ATAD2B: variants seen among roughly 807,000 people sequenced by gnomAD.
ATAD2B encodes ATPase family AAA domain containing 2B.
ATAD2B carries 40 observed loss-of-function variants against 167.6 expected under a neutral mutation model. The observed-to-expected ratio is 0.24, with a 90% CI of 0.19 to 0.31. The LOEUF (loss-of-function observed/expected upper bound fraction) is 0.31, where lower values mean the gene tolerates loss of function less well. Among genes scored for constraint, ATAD2B ranks in the 10% least tolerant of loss-of-function variants. ATAD2B has a pLI of 1.00. For synonymous variants in ATAD2B, 579 were observed against 596.5 expected (o/e 0.97, Z 0.43); for missense variants, 1,242 against 1,757.2 (o/e 0.71, Z 5.24).
chr2:23,762,197 T>A lies in ATAD2B; in HGVS notation c.3394+12A>T. ...GTTCTCACTACTGGATAACATGAGCTGAAATACTCACATGCACATTTATTT... is the reference window on the plus strand; with the variant it reads ...GTTCTCACTACTGGATAACATGAGCAGAAATACTCACATGCACATTTATTT... On this transcript the variant is annotated intron_variant, in intron 24 of 27. Transcript: ENST00000238789. 2 of 1,612,954 alleles carry A rather than the reference T, an allele frequency of 1.2e-6. No individual in the cohort carries two copies. The highest frequency in any genetic ancestry group is 1.7e-6 in the Non-Finnish European group (2 of 1,179,350).
the ATAD2B span, among the ~76,000 whole-genome samples, chr2:23,698,655 A>T: frequency 6.6e-6 from 1 of 152,222 alleles, no homozygotes; most frequent in Non-Finnish European, 1.5e-5. Context: ...AACCTGTATT[A>T]TATCATTATA....
chr2:23,698,426 A>G, the ATAD2B span, among the ~76,000 whole-genome samples: 1 of 152,200 alleles, frequency 6.6e-6, no homozygotes, highest in East Asian at 1.9e-4. Flanking sequence ...TTTCTGTGGC[A>G]CACAGTGGCA....
chr2:23,822,262 C>T (rs931597096), intron 16 of ATAD2B, among the ~76,000 whole-genome samples: 3 of 152,130 alleles, frequency 2.0e-5, no homozygotes, highest in South Asian at 2.1e-4. Flanking sequence ...AGGCTGGGCG[C>T]GATGACTCAC....
At chr2:23,781,485 T>C (rs946450697) in intron 22 of ATAD2B, among the ~76,000 whole-genome samples, 3 of 151,994 alleles carry the variant, frequency 2.0e-5, no homozygotes, top group African/African-American at 4.8e-5. Flanking sequence ...GCCAACATGG[T>C]GAAACCCCAT....
At position 23,750,447 on chromosome 2, in the gene ATAD2B, G is replaced by A. The variant is rs1166095070; in HGVS notation, c.*1599C>T. ...CACTACAAAGAGCCAAAGACAAGGA[G>A]ACAAGTACCTTAGCTTCAGGATGTA... is the stretch of plus-strand genomic sequence containing the variant. On this transcript the variant is annotated 3_prime_UTR_variant, in exon 28 of 28. Coordinates refer to ENST00000238789, the MANE Select transcript of ATAD2B (RefSeq NM_017552.4). 2 of 152,138 alleles carry A rather than the reference G, an allele frequency of 1.3e-5. No homozygotes were observed. The highest frequency in any genetic ancestry group is 3.9e-4 in the East Asian group (2 of 5,192). The allele number at this position is 152,138 out of a possible 1,614,324, so 9.4% of individuals were successfully genotyped here. A position where few individuals can be genotyped will look rare whatever the true frequency, so the allele number is the denominator to read the frequency against.
chr2:23,774,559 T>C (rs1291704505), intron 22 of ATAD2B, among the ~76,000 whole-genome samples: 1 of 152,214 alleles, frequency 6.6e-6, no homozygotes, highest in Non-Finnish European at 1.5e-5. Context: ...TGTTACCATG[T>C]CTCCATTTTA....
At chr2:23,877,232 A>G (rs931019055) in intron 7 of ATAD2B, among the ~76,000 whole-genome samples, 10 of 151,882 alleles carry the variant, frequency 6.6e-5, no homozygotes, top group African/African-American at 2.4e-4. Flanking sequence ...GCAACGCGGT[A>G]AGAACCCAAC....
chr2:23,818,781 G>A (rs1008191313), intron 17 of ATAD2B, among the ~76,000 whole-genome samples: 1 of 152,162 alleles, frequency 6.6e-6, no homozygotes, highest in Non-Finnish European at 1.5e-5. Flanking sequence ...GTAAATGCAA[G>A]TAAAGATGCT....
chr2:23,883,688 C>G (rs1698289519), intron 6 of ATAD2B: 1 of 980,412 alleles, frequency 1.0e-6, no homozygotes, highest in Non-Finnish European at 1.4e-6. Flanking sequence ...GAAATATCAC[C>G]TCTTCAAAAT....
intron 22 of ATAD2B, among the ~76,000 whole-genome samples, chr2:23,780,857 T>TC (rs1271842034): frequency 6.6e-6 from 1 of 152,222 alleles, no homozygotes; most frequent in East Asian, 1.9e-4. Flanking sequence ...TGAACCACTA[T>TC]CGCGCCACTG....
At chr2:23,705,492 A>C in the ATAD2B span, among the ~76,000 whole-genome samples, 1 of 148,022 alleles carries the variant, frequency 6.8e-6, no homozygotes, top group Non-Finnish European at 1.5e-5. Context: ...CTCCGTCTCA[A>C]AAAAAAAAAA....
At chr2:23,712,882 C>A in the ATAD2B span, among the ~76,000 whole-genome samples, 1 of 152,182 alleles carries the variant, frequency 6.6e-6, no homozygotes, top group African/African-American at 2.4e-5. Flanking sequence ...TGTGTTTCCT[C>A]CTAGAAAATG....
At chr2:23,923,240 T>C (rs1704215279) in intron 1 of ATAD2B, among the ~76,000 whole-genome samples, 1 of 152,122 alleles carries the variant, frequency 6.6e-6, no homozygotes, top group Admixed American at 6.6e-5. Context: ...CACTAAATAA[T>C]ATGTCAGTCC....
chr2:23,793,055 A>C (rs1361053364), intron 19 of ATAD2B, among the ~76,000 whole-genome samples: 1 of 151,042 alleles, frequency 6.6e-6, no homozygotes, highest in African/African-American at 2.4e-5. Context: ...CCAAAATATT[A>C]ATATTAAAAC....
intron 18 of ATAD2B, among the ~76,000 whole-genome samples, chr2:23,807,360 T>C (rs1304575416): frequency 1.3e-5 from 2 of 152,152 alleles, no homozygotes; most frequent in East Asian, 1.9e-4. Context: ...CCCAATCAAA[T>C]ACATTTGAAA....
chr2:23,697,035 A>C, the ATAD2B span: 1 of 155,702 alleles, frequency 6.4e-6, no homozygotes, highest in Non-Finnish European at 1.4e-5. Flanking sequence ...ATCTGTTCGT[A>C]ATACAGAGAA....
Position 23,926,862 on chromosome 2 carries a change from G to A in ATAD2B, c.-92C>T. On this transcript the variant is annotated 5_prime_UTR_variant, in exon 1 of 28. Transcript: ENST00000238789. ...GGTCAGTCAGGGCCAGCGGAGCCGA[G>A]CCGGGCAATGAGAGACGAGCCGGCC... 1 of 1,408,016 alleles carries A rather than the reference G, an allele frequency of 7.1e-7. No individual in the cohort carries two copies. 87.2% of individuals were successfully genotyped at this position (1,408,016 alleles called of 1,614,324 possible).
chr2:23,838,000 T>C (rs191724262), intron 13 of ATAD2B, among the ~76,000 whole-genome samples: 4 of 152,348 alleles, frequency 2.6e-5, no homozygotes, highest in Admixed American at 6.5e-5. Context: ...CTCATTTCTA[T>C]TCCTTTACTC....
chr2:23,749,930 T>C lies in ATAD2B; in HGVS notation c.*2116A>G, dbSNP rs892436429. 5 of 151,848 alleles carry C rather than the reference T, an allele frequency of 3.3e-5. No homozygotes were observed. The highest frequency in any genetic ancestry group is 3.3e-4 in the Admixed American group (5 of 15,240). The allele number at this position is 151,848 out of a possible 1,614,324, so 9.4% of individuals were successfully genotyped here. On this transcript the variant is annotated 3_prime_UTR_variant, in exon 28 of 28. Transcript: ENST00000238789. Reference sequence around the variant, plus strand: ...TCTGAATTAGAATAACTGGAATAAATATTTAAAAAAAAATAGTGCAGCAAG... The same window carrying C: ...TCTGAATTAGAATAACTGGAATAAACATTTAAAAAAAAATAGTGCAGCAAG...
Sources: gnomAD v4.1 joint callset for allele counts (sites outside exome capture counted in the v4.1 genomes callset) on GRCh38, gnomAD v4.1.1 for gene constraint, MANE v1.5 for transcripts, NCBI Gene and HGNC (gene_info 2026-07-23, HGNC 2026-07-21) for gene names.